Variants in CIROP observed in about 807,000 individuals in gnomAD.
The protein encoded by CIROP is ciliated left-right organizer metallopeptidase, also known as leishmanolysin homolog.
the CIROP span, chr14:23,103,883 G>A: frequency 9.0e-6 from 6 of 664,726 alleles, no homozygotes; most frequent in South Asian, 6.3e-5. Context: ...GGTATGAGGA[G>A]TAGGGGAGAA....
At chr14:23,100,582 G>T in the CIROP span, 1 of 404,304 alleles carries the variant, frequency 2.5e-6, no homozygotes, top group Non-Finnish European at 4.4e-6. Flanking sequence ...TCAGGGCCTT[G>T]TGCAGTGTAG....
the CIROP span, chr14:23,102,800 T>A: frequency 2.9e-6 from 2 of 686,910 alleles, no homozygotes; most frequent in East Asian, 5.4e-5. Flanking sequence ...CAATCAGCTC[T>A]TCCTAGAGTT....
the CIROP span, chr14:23,101,512 T>A: frequency 1.6e-6 from 1 of 635,124 alleles, no homozygotes; most frequent in Non-Finnish European, 2.9e-6. Context: ...GATCTCCCCA[T>A]GGGGATTATC....
chr14:23,101,408 T>G, the CIROP span: 1 of 590,140 alleles, frequency 1.7e-6, no homozygotes, highest in Admixed American at 3.0e-5. Context: ...TCTGCTTCCT[T>G]GAGGTGTGGG....
the CIROP span, chr14:23,104,534 T>G: frequency 1.4e-6 from 1 of 702,584 alleles, no homozygotes; most frequent in Non-Finnish European, 2.6e-6. Flanking sequence ...CTTTCTGGGC[T>G]GATCTTCCTC....
At chr14:23,103,209 C>T in the CIROP span, 41 of 419,280 alleles carry the variant, frequency 9.8e-5, no homozygotes, top group African/African-American at 5.1e-4. Context: ...TTTACCCAAA[C>T]GTTACTAGCA....
the CIROP span, chr14:23,099,573 T>TTC: frequency 2.5e-6 from 1 of 403,340 alleles, no homozygotes; most frequent in Admixed American, 4.5e-5. Context: ...TTTTTTTTTT[T>TTC]TTTGGAGACA....
chr14:23,104,803 A>C, the CIROP span: 2 of 702,740 alleles, frequency 2.8e-6, no homozygotes, highest in Non-Finnish European at 2.6e-6. Context: ...GGGAGTTGGG[A>C]GAAAGGGGGC....
chr14:23,103,587 CAAAACT>C, the CIROP span: 1 of 630,258 alleles, frequency 1.6e-6, no homozygotes, highest in African/African-American at 1.8e-5. Context: ...CAAAACAAAA[CAAAACT>C]GCTTTTATGC....
chr14:23,103,567 T>TAAAACAAAACAAAACAAAAC, the CIROP span: 18 of 595,010 alleles, frequency 3.0e-5, no homozygotes, highest in African/African-American at 1.5e-4. Context: ...AAAAGCAAAA[T>TAAAACAAAACAAAACAAAAC]AAAACAAAAC....
chr14:23,099,450 G>T, the CIROP span: 15 of 413,362 alleles, frequency 3.6e-5, no homozygotes, highest in African/African-American at 2.5e-4. Flanking sequence ...ACAGCCTTAG[G>T]TGGGTCATGG....
At chr14:23,100,452 A>G in the CIROP span, 2 of 413,224 alleles carry the variant, frequency 4.8e-6, no homozygotes, top group Non-Finnish European at 8.8e-6. Flanking sequence ...ATTTAATTTC[A>G]AACATCCGGA....
the CIROP span, chr14:23,100,720 C>G: frequency 2.5e-6 from 1 of 398,720 alleles, no homozygotes; most frequent in Admixed American, 4.4e-5. Flanking sequence ...AGATATAGTT[C>G]CTGGCAGAGT....
the CIROP span, chr14:23,099,077 A>G: frequency 0.22 from 85,385 of 389,826 alleles, 9,715 homozygotes; most frequent in African/African-American, 0.31. Flanking sequence ...AGGTTGAACA[A>G]TTTATTTTTG....
the CIROP span, chr14:23,104,128 G>C: frequency 1.7e-6 from 1 of 590,896 alleles, no homozygotes; most frequent in South Asian, 2.1e-5. Flanking sequence ...CCTGTCTTCC[G>C]TCCCCTTCTT....
At chr14:23,103,095 T>C in the CIROP span, 75 of 459,290 alleles carry the variant, frequency 1.6e-4, no homozygotes, top group Middle Eastern at 5.5e-4. Flanking sequence ...AGGAGAAAAA[T>C]AGGGTAGCAC....
At chr14:23,104,898 A>AGTGGCG in the CIROP span, 3 of 608,382 alleles carry the variant, frequency 4.9e-6, no homozygotes, top group Non-Finnish European at 8.6e-6. Flanking sequence ...CAGCAGCAGC[A>AGTGGCG]GCAGCAGCAG....
chr14:23,102,499 G>C, the CIROP span: 1 of 700,218 alleles, frequency 1.4e-6, no homozygotes, highest in Admixed American at 2.0e-5. Flanking sequence ...ACTGCAGAAA[G>C]GGAAGAAGGC....
chr14:23,102,798 T>G, the CIROP span: 1 of 690,542 alleles, frequency 1.4e-6, no homozygotes, highest in East Asian at 2.7e-5. Context: ...CCCAATCAGC[T>G]CTTCCTAGAG....
Sources: gnomAD v4.1 joint callset for allele counts on GRCh38, gnomAD v4.1.1 for gene constraint, MANE v1.5 for transcripts, NCBI Gene and HGNC (gene_info 2026-07-23, HGNC 2026-07-21) for gene names.